The following FSTL5 variants were observed in gnomAD, a reference collection of about 807,000 sequenced individuals.
The protein encoded by FSTL5 is follistatin like 5.
In FSTL5, 62 loss-of-function variants were observed where a neutral mutation model predicts 89.1. The ratio of observed to expected loss-of-function variants is 0.70; its 90% CI spans 0.57 to 0.86. FSTL5 has a LOEUF of 0.86. Ranked by LOEUF, FSTL5 falls within the 40% of genes least tolerant of loss-of-function variation. The pLI is 0.00. For missense variants in FSTL5, 1,057 were observed against 1,001.6 expected, an observed-to-expected ratio of 1.06 and a Z score of -0.75; for synonymous variants, 383 against 346.2, an observed-to-expected ratio of 1.11 and a Z score of -1.18.
intron 4 of FSTL5, among the ~76,000 whole-genome samples, chr4:161,914,079 C>G (rs1206674444): frequency 6.6e-6 from 1 of 152,042 alleles, no homozygotes; most frequent in African/African-American, 2.4e-5. Context: ...TGTCCCCACC[C>G]AAATCTCAAT....
At chr4:161,892,646 A>T (rs1733025245) in intron 4 of FSTL5, among the ~76,000 whole-genome samples, 2 of 152,084 alleles carry the variant, frequency 1.3e-5, no homozygotes, top group African/African-American at 4.8e-5. Context: ...TTCCATAAAA[A>T]TTCAGTAATT....
At chr4:162,012,505 G>A (rs912262930) in intron 3 of FSTL5, among the ~76,000 whole-genome samples, 3 of 152,110 alleles carry the variant, frequency 2.0e-5, no homozygotes, top group South Asian at 2.1e-4. Context: ...CAATTCAACC[G>A]TATTTCAAAA....
At chr4:161,803,082 A>C (rs191157265) in intron 4 of FSTL5, among the ~76,000 whole-genome samples, 3 of 152,000 alleles carry the variant, frequency 2.0e-5, no homozygotes, top group Admixed American at 2.0e-4. Context: ...CAAACAAAAA[A>C]CCACTACATG....
rs1233302693 is a variant in FSTL5 at position 161,873,503 on chromosome 4, TCTTTCCTTCCTTCCTC to T, written c.409+46885_409+46900del. Among the ~76,000 whole-genome samples, 6 of 150,200 alleles carry T rather than the reference TCTTTCCTTCCTTCCTC, an allele frequency of 4.0e-5. No individual in the cohort carries two copies. The East Asian group carries it at 5.8e-4, about 15-fold the overall frequency. On this transcript the variant is annotated intron_variant, in intron 4 of 15. Coordinates refer to ENST00000306100, the MANE Select transcript of FSTL5 (RefSeq NM_020116.5). ...TTAGTTCCTTCCTTCCTTCCTTCCT[TCTTTCCTTCCTTCCTC>T]CCACCCTCCCTCCATCCCACACTCC...
intron 6 of FSTL5, among the ~76,000 whole-genome samples, chr4:161,706,951 C>G (rs564962406): frequency 7.9e-5 from 12 of 151,992 alleles, no homozygotes; most frequent in African/African-American, 2.9e-4. Flanking sequence ...CATGAAATAA[C>G]AGCAAAATAT....
chr4:161,627,515 G>A (rs1319813203), intron 7 of FSTL5, among the ~76,000 whole-genome samples: 2 of 152,126 alleles, frequency 1.3e-5, no homozygotes, highest in African/African-American at 4.8e-5. Context: ...TTGTTTTAAT[G>A]TGATGGTCTA....
chr4:161,764,867 TAC>T (rs2126794108), intron 5 of FSTL5, among the ~76,000 whole-genome samples: 1 of 152,332 alleles, frequency 6.6e-6, no homozygotes, highest in East Asian at 1.9e-4. Context: ...TAAATGTTAA[TAC>T]TATAGTTACC....
intron 7 of FSTL5, among the ~76,000 whole-genome samples, chr4:161,588,142 C>A (rs891687989): frequency 6.6e-6 from 1 of 151,812 alleles, no homozygotes; most frequent in Non-Finnish European, 1.5e-5. Flanking sequence ...CCACTGCACT[C>A]CAGCCTGGGT....
At chr4:161,529,949 A>G (rs1731353785) in intron 10 of FSTL5, among the ~76,000 whole-genome samples, 1 of 143,062 alleles carries the variant, frequency 7.0e-6, no homozygotes, top group South Asian at 2.4e-4. Flanking sequence ...CTTCATTTAT[A>G]CCTCTTTTTA....
intron 3 of FSTL5, among the ~76,000 whole-genome samples, chr4:161,926,258 G>T (rs1439499429): frequency 1.3e-5 from 2 of 151,854 alleles, no homozygotes; most frequent in African/African-American, 4.8e-5. Context: ...TGCCCAGTGT[G>T]CCACTACTGA....
At chr4:161,747,373 T>C (rs13113846) in intron 6 of FSTL5, among the ~76,000 whole-genome samples, 14,320 of 152,254 alleles carry the variant, frequency 0.094, 712 homozygotes, top group Middle Eastern at 0.2. Flanking sequence ...ATTTTTTATT[T>C]GAAAAGTTTC....
chr4:161,642,700 C>T (rs1736006544), intron 7 of FSTL5, among the ~76,000 whole-genome samples: 1 of 152,004 alleles, frequency 6.6e-6, no homozygotes, highest in African/African-American at 2.4e-5. Context: ...GAAATAAGTA[C>T]CCAAAGAGAA....
intron 6 of FSTL5, among the ~76,000 whole-genome samples, chr4:161,730,727 T>C (rs1341514918): frequency 1.3e-5 from 2 of 152,170 alleles, no homozygotes; most frequent in Non-Finnish European, 2.9e-5. Context: ...CTACAGACCA[T>C]ATAGTTTGAT....
intron 2 of FSTL5, among the ~76,000 whole-genome samples, chr4:162,087,326 C>T (rs963321896): frequency 2.0e-5 from 3 of 151,988 alleles, no homozygotes; most frequent in African/African-American, 7.2e-5. Flanking sequence ...TTTATGGGTT[C>T]ATAATTTTCT....
At chr4:161,586,397 G>A (rs1733618816) in intron 8 of FSTL5, among the ~76,000 whole-genome samples, 3 of 152,016 alleles carry the variant, frequency 2.0e-5, no homozygotes, top group Admixed American at 2.0e-4. Context: ...CTTCTTCAAA[G>A]TAGTAAATGG....
intron 6 of FSTL5, among the ~76,000 whole-genome samples, chr4:161,732,197 T>G (rs906985530): frequency 1.3e-5 from 2 of 152,148 alleles, no homozygotes; most frequent in Non-Finnish European, 2.9e-5. Flanking sequence ...CAATATGTAA[T>G]TTAGTAGGAT....
intron 8 of FSTL5, among the ~76,000 whole-genome samples, chr4:161,559,973 C>T (rs750948022): frequency 8.2e-4 from 124 of 151,852 alleles, no homozygotes; most frequent in Admixed American, 3.0e-3. Flanking sequence ...AGGCCACATG[C>T]AACCCAAGAC....
At chr4:162,063,738 T>C (rs1273683944) in intron 2 of FSTL5, among the ~76,000 whole-genome samples, 1 of 151,914 alleles carries the variant, frequency 6.6e-6, no homozygotes, top group Non-Finnish European at 1.5e-5. Context: ...AAACTCCTTA[T>C]TTTGATTGAT....
chr4:161,779,252 G>T (rs1741532623), intron 4 of FSTL5, among the ~76,000 whole-genome samples: 1 of 152,084 alleles, frequency 6.6e-6, no homozygotes, highest in East Asian at 1.9e-4. Context: ...TGGGGTAGTT[G>T]CTGGAAATCC....
Sources: allele counts gnomAD v4.1 joint callset (sites outside exome capture counted in the v4.1 genomes callset), GRCh38; gene constraint gnomAD v4.1.1; transcripts MANE v1.5; gene names NCBI Gene and HGNC (gene_info 2026-07-23, HGNC 2026-07-21).